Variants in COL19A1 observed in about 807,000 individuals in gnomAD.
The protein encoded by COL19A1 is collagen type XIX alpha 1 chain.
Under a neutral mutation model 190.2 loss-of-function variants are expected in COL19A1, and 159 were observed. The observed-to-expected ratio is 0.84, with a 90% CI of 0.73 to 0.95. The LOEUF (loss-of-function observed/expected upper bound fraction) is 0.95. Among genes scored for constraint, COL19A1 ranks in the 40% least tolerant of loss-of-function variants. COL19A1 has a pLI of 0.00. For synonymous variants in COL19A1, 509 were observed against 458.9 expected (o/e 1.11, Z -1.39); for missense variants, 1,418 against 1,431.9 (o/e 0.99, Z 0.16).
intron 11 of COL19A1, among the ~76,000 whole-genome samples, chr6:69,989,593 A>G (rs1395222147): frequency 8.0e-6 from 1 of 125,366 alleles, no homozygotes; most frequent in Non-Finnish European, 1.6e-5. Flanking sequence ...TGTTAGTGTT[A>G]GTGTATTTTA....
intron 15 of COL19A1, among the ~76,000 whole-genome samples, chr6:70,071,326 G>T (rs1781540658): frequency 6.6e-6 from 1 of 151,996 alleles, no homozygotes; most frequent in Non-Finnish European, 1.5e-5. Flanking sequence ...ATTTTTGCAA[G>T]TACCACGCCA....
At chr6:69,898,861 C>T (rs1486882810) in intron 2 of COL19A1, 87 bp from the exon 3 acceptor site, 21 of 785,444 alleles carry the variant, frequency 2.7e-5, no homozygotes, top group Non-Finnish European at 4.4e-5. Flanking sequence ...TAATTTATTT[C>T]CATTTTATCT....
Position 69,927,938 on chromosome 6 carries a change from A to G in COL19A1, c.296A>G (p.Glu99Gly). The part of the protein sequence containing the change: ...IKIFPKGLPE[E>G]YSVAAMFRVR... Reference sequence around the variant, plus strand: ...ATATTTCCCAAAGGCCTTCCTGAGGAGTACTCAGTAGCTGCCATGTTTCGA... The same window carrying G: ...ATATTTCCCAAAGGCCTTCCTGAGGGGTACTCAGTAGCTGCCATGTTTCGA... The change falls in exon 5 of 51, where the codon GAG becomes GGG. Residue 99 changes from glutamate to glycine, a missense_variant. Transcript: ENST00000620364. 1.2e-6 allele frequency: 2 copies of G among 1,613,036 alleles called. No homozygotes were observed. Among genetic ancestry groups the G allele is most frequent in the Non-Finnish European group, 8.5e-7 (1 of 1,179,280 alleles).
chr6:70,043,861 T>A (rs1218936496), intron 14 of COL19A1, among the ~76,000 whole-genome samples: 2 of 152,136 alleles, frequency 1.3e-5, no homozygotes, highest in Non-Finnish European at 2.9e-5. Context: ...AACTGTATTA[T>A]CCCCTAACTA....
chr6:70,069,934 A>G (rs900237437), intron 15 of COL19A1, among the ~76,000 whole-genome samples: 1 of 152,172 alleles, frequency 6.6e-6, no homozygotes, highest in African/African-American at 2.4e-5. Context: ...TTAAAATTTG[A>G]TAAGCCTACC....
At chr6:70,171,771 T>C (rs532852068) in intron 40 of COL19A1, among the ~76,000 whole-genome samples, 193 bp from the exon 41 acceptor site, 24 of 152,306 alleles carry the variant, frequency 1.6e-4, no homozygotes, top group African/African-American at 5.8e-4. Flanking sequence ...GAGAATAGCT[T>C]TTATTCTCAA....
chr6:70,112,709 C>G (rs192920774), intron 16 of COL19A1, among the ~76,000 whole-genome samples: 1 of 152,244 alleles, frequency 6.6e-6, no homozygotes, highest in Admixed American at 6.5e-5. Context: ...GTTAATTATG[C>G]CCATTGAATG....
chr6:70,020,206 C>T (rs183342918), intron 11 of COL19A1, among the ~76,000 whole-genome samples: 31 of 152,120 alleles, frequency 2.0e-4, no homozygotes, highest in East Asian at 1.4e-3. Flanking sequence ...TATATTGCAA[C>T]GCAACACAAA....
intron 9 of COL19A1, among the ~76,000 whole-genome samples, chr6:69,953,082 A>G (rs1774211897): frequency 6.6e-6 from 1 of 152,046 alleles, no homozygotes; most frequent in Non-Finnish European, 1.5e-5. Context: ...TAAAATGCCT[A>G]ATGCATGTGA....
intron 11 of COL19A1, among the ~76,000 whole-genome samples, chr6:69,994,002 G>A (rs778227617): frequency 2.0e-5 from 3 of 151,372 alleles, no homozygotes; most frequent in Non-Finnish European, 4.4e-5. Flanking sequence ...TAGCTTTGGG[G>A]TTGGACTGCT....
chr6:69,893,697 T>C (rs747034630), intron 2 of COL19A1, among the ~76,000 whole-genome samples: 1 of 152,254 alleles, frequency 6.6e-6, no homozygotes, highest in Non-Finnish European at 1.5e-5. Flanking sequence ...CCACATTCTA[T>C]AGAAAATTCT....
intron 40 of COL19A1, among the ~76,000 whole-genome samples, chr6:70,168,899 C>T (rs1021441517): frequency 2.0e-5 from 3 of 152,038 alleles, no homozygotes; most frequent in African/African-American, 4.8e-5. Context: ...TGTCTCTTTC[C>T]GTCAGTGTGT....
At chr6:70,062,378 T>G (rs937266669) in intron 14 of COL19A1, among the ~76,000 whole-genome samples, 1 of 152,118 alleles carries the variant, frequency 6.6e-6, no homozygotes, top group Admixed American at 6.6e-5. Context: ...ATTAAGCATG[T>G]ATGACATTCA....
At chr6:69,882,201 T>A (rs1768609327) in intron 2 of COL19A1, among the ~76,000 whole-genome samples, 1 of 152,212 alleles carries the variant, frequency 6.6e-6, no homozygotes, top group Non-Finnish European at 1.5e-5. Flanking sequence ...ATTGTCACAG[T>A]TGGGACAGAA....
intron 41 of COL19A1, among the ~76,000 whole-genome samples, chr6:70,174,538 T>G (rs1269197075): frequency 2.7e-5 from 4 of 149,568 alleles, no homozygotes; most frequent in Non-Finnish European, 5.9e-5. Context: ...CCAGCCTGGG[T>G]GATAGAGCCA....
rs528550905 is a variant in COL19A1 at position 69,993,256 on chromosome 6, C to T, written c.1027-30371C>T. Among the ~76,000 whole-genome samples, 7 of 152,176 alleles carry T rather than the reference C, an allele frequency of 4.6e-5. No homozygotes were observed. The East Asian group carries it at 1.2e-3, about 25-fold the overall frequency. On this transcript the variant is annotated intron_variant, in intron 11 of 50. Transcript: ENST00000620364. ...TTAGTCCTGTTTATGTGATGAATCACATTTAGTGATTTGCATAGGTTGAAC... is the reference window on the plus strand; with the variant it reads ...TTAGTCCTGTTTATGTGATGAATCATATTTAGTGATTTGCATAGGTTGAAC...
At chr6:69,891,819 C>G (rs1769371235) in intron 2 of COL19A1, among the ~76,000 whole-genome samples, 1 of 152,182 alleles carries the variant, frequency 6.6e-6, no homozygotes, top group South Asian at 2.1e-4. Flanking sequence ...TTGGCTTAAT[C>G]AGCAGGAATC....
At chr6:69,987,209 C>T (rs959499434) in intron 11 of COL19A1, among the ~76,000 whole-genome samples, 2 of 152,192 alleles carry the variant, frequency 1.3e-5, no homozygotes, top group African/African-American at 4.8e-5. Flanking sequence ...GCTACACCAA[C>T]ACAAAACAAA....
At chr6:69,966,921 C>CA (rs1376583091) in intron 11 of COL19A1, among the ~76,000 whole-genome samples, 1 of 152,042 alleles carries the variant, frequency 6.6e-6, no homozygotes, top group Non-Finnish European at 1.5e-5. Context: ...AAAGAAACAG[C>CA]AAATAGACAA....
Sources: allele counts gnomAD v4.1 joint callset (sites outside exome capture counted in the v4.1 genomes callset), GRCh38; gene constraint gnomAD v4.1.1; transcripts MANE v1.5; gene names NCBI Gene and HGNC (gene_info 2026-07-23, HGNC 2026-07-21).